The following ANKRD30BL variants were observed in gnomAD, a reference collection of about 807,000 sequenced individuals.
The protein encoded by ANKRD30BL is putative ankyrin repeat domain-containing protein 30B-like.
ANKRD30BL carries 20 observed loss-of-function variants against 18.4 expected under a neutral mutation model. The observed-to-expected ratio is 1.09, with a 90% CI of 0.77 to 1.58. The LOEUF (loss-of-function observed/expected upper bound fraction) is 1.58. ANKRD30BL is among the 40% of genes most tolerant of loss of function. The pLI, the probability that ANKRD30BL is intolerant of heterozygous loss-of-function variation, is 0.00. For synonymous variants in ANKRD30BL, 72 were observed against 100.9 expected, an observed-to-expected ratio of 0.71 and a Z score of 1.72; for missense variants, 224 against 268.6, an observed-to-expected ratio of 0.83 and a Z score of 1.16.
At chr2:132,214,152 A>G (rs62164453) in intron 1 of ANKRD30BL, among the ~76,000 whole-genome samples, 2,847 of 152,194 alleles carry the variant, frequency 0.019, 62 homozygotes, top group East Asian at 0.1. Context: ...TGGAAAAGGA[A>G]ATATCTTCAC....
chr2:132,248,181 C>T lies in ANKRD30BL; in HGVS notation n.441+9348G>A, dbSNP rs561988850. Among the ~76,000 whole-genome samples the T allele has an allele frequency of 3.9e-4, 59 of 152,118 alleles. No individual in the cohort carries two copies. The South Asian group carries it at 0.012, about 31-fold the overall frequency. The stretch of plus-strand genomic sequence containing the variant: ...ACAAAAAGACAGTTTCCAAACTGCT[C>T]AATCAAAACAAAGGTTCGACACTGT... On this transcript the variant is annotated intron_variant and non_coding_transcript_variant, in intron 1 of 4. Transcript: ENST00000470729.
At chr2:132,225,654 G>T (rs1235713182) in intron 1 of ANKRD30BL, among the ~76,000 whole-genome samples, 4 of 152,024 alleles carry the variant, frequency 2.6e-5, no homozygotes, top group Non-Finnish European at 5.9e-5. Flanking sequence ...CGTTGGAAAT[G>T]GGAATATCTT....
At chr2:132,256,961 G>C (rs749225678) in intron 1 of ANKRD30BL, 7 of 507,022 alleles carry the variant, frequency 1.4e-5, no homozygotes, top group Admixed American at 2.0e-5. Context: ...GGGGCGGCTC[G>C]GGGAGAAACC....
At chr2:132,205,419 T>C (rs1459094928) in intron 1 of ANKRD30BL, among the ~76,000 whole-genome samples, 1 of 146,186 alleles carries the variant, frequency 6.8e-6, no homozygotes, top group Non-Finnish European at 1.5e-5. Flanking sequence ...CTGACCAACA[T>C]GAAGAAACCC....
intron 1 of ANKRD30BL, among the ~76,000 whole-genome samples, chr2:132,209,515 G>T (rs7603861): frequency 0.18 from 26,362 of 148,690 alleles, 5,078 homozygotes; most frequent in African/African-American, 0.49. Flanking sequence ...GGAAACATCT[G>T]CACATAAAAA....
chr2:132,173,135 T>C (rs924476021), intron 1 of ANKRD30BL, among the ~76,000 whole-genome samples: 6 of 152,162 alleles, frequency 3.9e-5, no homozygotes, highest in Non-Finnish European at 7.3e-5. Flanking sequence ...TATTTTCTCC[T>C]ATTTTTTTTT....
chr2:132,232,734 G>A (rs1680057768), intron 1 of ANKRD30BL, among the ~76,000 whole-genome samples: 1 of 152,160 alleles, frequency 6.6e-6, no homozygotes, highest in African/African-American at 2.4e-5. Context: ...GTGATGGGGA[G>A]AAGGGACCCA....
chr2:132,215,427 CCTTA>C (rs1679473230), intron 1 of ANKRD30BL, among the ~76,000 whole-genome samples: 1 of 152,180 alleles, frequency 6.6e-6, no homozygotes, highest in African/African-American at 2.4e-5. Context: ...CAGAGTTGAA[CCTTA>C]CTTTTGATTA....
chr2:132,162,697 G>A (rs1443546524), upstream of ANKRD30BL, among the ~76,000 whole-genome samples: 1 of 152,256 alleles, frequency 6.6e-6, no homozygotes, highest in Non-Finnish European at 1.5e-5. Flanking sequence ...TGCAGGGCTG[G>A]GCCCGACGGC....
chr2:132,202,354 C>T (rs1679123120), intron 1 of ANKRD30BL, among the ~76,000 whole-genome samples: 1 of 151,654 alleles, frequency 6.6e-6, no homozygotes, highest in Non-Finnish European at 1.5e-5. Flanking sequence ...TATAAAATGC[C>T]TCATGGAAAA....
intron 1 of ANKRD30BL, among the ~76,000 whole-genome samples, chr2:132,158,256 T>C (rs1363628493): frequency 6.6e-6 from 1 of 152,126 alleles, no homozygotes; most frequent in Non-Finnish European, 1.5e-5. Flanking sequence ...TTCTTTAATA[T>C]TTTTAAAACT....
chr2:132,222,241 G>A (rs1313813930), intron 1 of ANKRD30BL, among the ~76,000 whole-genome samples: 10 of 148,584 alleles, frequency 6.7e-5, no homozygotes, highest in East Asian at 2.0e-4. Flanking sequence ...CCGGCCAGCC[G>A]CCCCATCCGG....
chr2:132,153,546 T>A (rs1324594062), intron 4 of ANKRD30BL: 1 of 538,070 alleles, frequency 1.9e-6, no homozygotes, highest in South Asian at 1.4e-5. Flanking sequence ...CCTTTAAATG[T>A]AAACACTTAG....
chr2:132,183,450 T>A (rs1688509082), intron 1 of ANKRD30BL, among the ~76,000 whole-genome samples: 2 of 152,058 alleles, frequency 1.3e-5, no homozygotes, highest in Admixed American at 1.3e-4. Context: ...ATTTAATGCT[T>A]CATAAATATG....
chr2:132,225,830 A>C (rs888103723), intron 1 of ANKRD30BL, among the ~76,000 whole-genome samples: 3 of 152,032 alleles, frequency 2.0e-5, no homozygotes, highest in African/African-American at 7.2e-5. Flanking sequence ...AAAAGGAAAT[A>C]TCTTCACATA....
intron 1 of ANKRD30BL, among the ~76,000 whole-genome samples, chr2:132,202,713 T>TTA (rs993938856): frequency 3.9e-5 from 6 of 152,316 alleles, no homozygotes; most frequent in African/African-American, 1.4e-4. Flanking sequence ...ATATGAATAT[T>TTA]TATATATATA....
Position 132,161,876 on chromosome 2 carries a change from G to A in ANKRD30BL, c.-171C>T, listed in dbSNP as rs1188901221. On this transcript the variant is annotated 5_prime_UTR_variant, in exon 1 of 6. Transcript: ENST00000409867. ...CAACCTCTCCCGGGAGAAAATGGCT[G>A]CGCAAAACCGTTAGGCAGCTGAGCA... is the stretch of plus-strand genomic sequence containing the variant. The A allele has an allele frequency of 5.0e-6, 3 of 599,208 alleles. No homozygotes were observed. The highest frequency in any genetic ancestry group is 1.9e-5 in the African/African-American group (1 of 53,720). The allele number at this position is 599,208 out of a possible 1,614,324, so 37.1% of individuals were successfully genotyped here.
intron 1 of ANKRD30BL, among the ~76,000 whole-genome samples, chr2:132,175,464 T>C (rs1039712870): frequency 2.0e-5 from 3 of 152,340 alleles, no homozygotes; most frequent in South Asian, 2.1e-4. Flanking sequence ...TATCTCAGAA[T>C]TGAACAAATG....
At chr2:132,227,137 C>T (rs1206254682) in intron 1 of ANKRD30BL, among the ~76,000 whole-genome samples, 1 of 152,080 alleles carries the variant, frequency 6.6e-6, no homozygotes, top group Non-Finnish European at 1.5e-5. Flanking sequence ...AGTTTTGAAA[C>T]ACTCTTTTTG....
Sources: allele counts gnomAD v4.1 joint callset (sites outside exome capture counted in the v4.1 genomes callset), GRCh38; gene constraint gnomAD v4.1.1; transcripts MANE v1.5; gene names NCBI Gene and HGNC (gene_info 2026-07-23, HGNC 2026-07-21).